Variants in C14orf180 observed in about 807,000 individuals in gnomAD.
C14orf180 encodes chromosome 14 open reading frame 180.
C14orf180 carries 13 observed loss-of-function variants against 13.9 expected under a neutral mutation model. The ratio of observed to expected loss-of-function variants is 0.94; its 90% confidence interval spans 0.61 to 1.49. C14orf180 has a LOEUF of 1.49. Among genes scored for constraint, C14orf180 ranks in the 40% most tolerant of loss-of-function variants. The pLI, the probability that C14orf180 is intolerant of heterozygous loss-of-function variation, is 0.00. For missense variants in C14orf180, 238 were observed against 232.0 expected (o/e 1.03, Z -0.17); for synonymous variants, 113 against 106.3 (o/e 1.06, Z -0.39).
chr14:104,581,591 G>A (rs992174992), intron 1 of C14orf180: 2 of 152,652 alleles, frequency 1.3e-5, no homozygotes, highest in African/African-American at 2.4e-5. Context: ...TCAGGCCTGA[G>A]CCACCCCGGA....
chr14:104,587,247 G>A (rs1596290003), intron 2 of C14orf180, among the ~76,000 whole-genome samples: 1 of 152,132 alleles, frequency 6.6e-6, no homozygotes, highest in African/African-American at 2.4e-5. Context: ...GCCCAGGTAG[G>A]CAAATGTGTA....
chr14:104,588,601 GGCGGCTCCCT>G lies in C14orf180; in HGVS notation c.304_313del (p.Gly102SerfsTer101). 1 of 1,471,848 alleles carries G rather than the reference GGCGGCTCCCT, an allele frequency of 6.8e-7. No individual in the cohort carries two copies. Among genetic ancestry groups the G allele is most frequent in the Non-Finnish European group, 9.0e-7 (1 of 1,114,308 alleles). The allele number at this position is 1,471,848 out of a possible 1,614,324, so 91.2% of individuals were successfully genotyped here. ...AGTGCCCGGCCGGCCCAGGCCACAC[GGCGGCTCCCT>G]GCTCCTGCAGCTGTGTGTGTGCGTC... On this transcript the variant is annotated frameshift_variant, in exon 5 of 5. Transcript: ENST00000557649. LOFTEE classifies it low-confidence loss of function (END_TRUNC).
At chr14:104,582,751 G>A (rs1470039478) in intron 1 of C14orf180, among the ~76,000 whole-genome samples, 1 of 152,218 alleles carries the variant, frequency 6.6e-6, no homozygotes, top group African/African-American at 2.4e-5. Context: ...TGGGGGTAGA[G>A]TCCCCTCGGG....
At chr14:104,583,875 C>T (rs544118490) in intron 1 of C14orf180, among the ~76,000 whole-genome samples, 7 of 152,210 alleles carry the variant, frequency 4.6e-5, no homozygotes, top group East Asian at 1.9e-4. Context: ...TTCACATGCA[C>T]GCACAGAAAT....
chr14:104,588,341 C>A (rs1326668487), intron 4 of C14orf180, 32 bp downstream of exon 4: 1 of 1,609,518 alleles, frequency 6.2e-7, no homozygotes, highest in South Asian at 1.1e-5. Flanking sequence ...CTGTGCCCCA[C>A]TGCCCCCTCC....
rs868014005 is a variant in C14orf180 at position 104,588,613 on chromosome 14, C to T, written c.313C>T (p.Leu105Phe). 4 of 1,485,192 alleles carry T rather than the reference C, an allele frequency of 2.7e-6. No homozygotes were observed. Among genetic ancestry groups the T allele is most frequent in the Middle Eastern group, 3.8e-4 (2 of 5,254 alleles). The allele number at this position is 1,485,192 out of a possible 1,614,324, so 92.0% of individuals were successfully genotyped here. ...GCCCAGGCCACACGGCGGCTCCCTG[C>T]TCCTGCAGCTGTGTGTGTGCGTCCT... ...GRPRPHGGSL[L>F]LQLCVCVLLV... The change falls in exon 5 of 5, where the codon CTC becomes TTC. Residue 105 changes from leucine to phenylalanine, a missense_variant. By Grantham distance (22) the Leu-to-Phe change is conservative. Coordinates refer to ENST00000557649, the MANE Select transcript of C14orf180 (RefSeq NM_001008404.3).
intron 3 of C14orf180, among the ~76,000 whole-genome samples, 167 bp downstream of exon 3, chr14:104,588,045 A>G (rs1886695830): frequency 6.6e-6 from 1 of 152,210 alleles, no homozygotes; most frequent in African/African-American, 2.4e-5. Flanking sequence ...CCCTGGGGTC[A>G]TCTGGACACA....
chr14:104,588,154 G>A, intron 3 of C14orf180, 120 bp from the exon 4 acceptor site: 2 of 1,262,980 alleles, frequency 1.6e-6, no homozygotes, highest in Non-Finnish European at 2.3e-6. Flanking sequence ...GGCTGGGCCT[G>A]GGTCTCTCAC....
At chr14:104,582,554 G>A (rs1490097897) in intron 1 of C14orf180, among the ~76,000 whole-genome samples, 1 of 152,162 alleles carries the variant, frequency 6.6e-6, no homozygotes, top group Admixed American at 6.5e-5. Flanking sequence ...ACAACTGGGA[G>A]CTCCGGGCCC....
rs1886627634 is a variant in C14orf180 at position 104,586,503 on chromosome 14, G to A, written c.73G>A (p.Glu25Lys). Residue 25 changes from glutamate to lysine, a missense_variant, in exon 2 of 5, where the codon GAG becomes AAG. By Grantham distance (56) the Glu-to-Lys change is moderately conservative. Transcript: ENST00000557649. Reference sequence around the variant, plus strand: ...ACGACGTCAGACCAGAAAGAATGAGGAGGCCGCGTGGGGCCCGCGGGTGTG... The same window carrying A: ...ACGACGTCAGACCAGAAAGAATGAGAAGGCCGCGTGGGGCCCGCGGGTGTG... The part of the protein sequence containing the change: ...ETRRQTRKNE[E>K]AAWGPRVCRA... 1 of 1,548,506 alleles carries A rather than the reference G, an allele frequency of 6.5e-7. No individual in the cohort carries two copies. Among genetic ancestry groups the A allele is most frequent in the South Asian group, 1.2e-5 (1 of 83,344 alleles).
intron 2 of C14orf180, among the ~76,000 whole-genome samples, chr14:104,587,419 CCT>C (rs771607592): frequency 2.0e-4 from 31 of 152,016 alleles, no homozygotes; most frequent in Admixed American, 3.9e-4. Flanking sequence ...GCCCCCTCCC[CCT>C]GTCCACATGT....
At chr14:104,581,927 G>A (rs545996692) in intron 1 of C14orf180, among the ~76,000 whole-genome samples, 2 of 152,246 alleles carry the variant, frequency 1.3e-5, no homozygotes, top group East Asian at 1.9e-4. Flanking sequence ...GGTGAGCCGG[G>A]AGTGTGGGGC....
At chr14:104,586,005 C>T (rs1036041733) in intron 1 of C14orf180, among the ~76,000 whole-genome samples, 2 of 152,208 alleles carry the variant, frequency 1.3e-5, no homozygotes, top group African/African-American at 4.8e-5. Context: ...TTCCCGCTAC[C>T]GAAAGGAGAC....
At chr14:104,587,301 A>G (rs1395972662) in intron 2 of C14orf180, among the ~76,000 whole-genome samples, 1 of 151,960 alleles carries the variant, frequency 6.6e-6, no homozygotes, top group African/African-American at 2.4e-5. Context: ...GCCCCAGGGA[A>G]AAGGAGGCCG....
At chr14:104,585,324 G>A (rs559960753) in intron 1 of C14orf180, among the ~76,000 whole-genome samples, 11 of 152,324 alleles carry the variant, frequency 7.2e-5, no homozygotes, top group African/African-American at 2.4e-4. Flanking sequence ...TCAGTTTCCC[G>A]ACCTGAAGCA....
chr14:104,582,901 G>C (rs957950559), intron 1 of C14orf180, among the ~76,000 whole-genome samples: 1 of 151,864 alleles, frequency 6.6e-6, no homozygotes, highest in Admixed American at 6.5e-5. Context: ...AGGCCTCCCC[G>C]CCCCCACCTG....
rs1344296767 is a variant in C14orf180 at position 104,588,957 on chromosome 14, G to A, written c.*174G>A. On this transcript the variant is annotated 3_prime_UTR_variant, in exon 5 of 5. Transcript: ENST00000557649. Reference sequence around the variant, plus strand: ...CCCCGTGGCGTGAGATCGGACATGGGGGGCACAGCAGGCGGCCCCGCCACA... The same window carrying A: ...CCCCGTGGCGTGAGATCGGACATGGAGGGCACAGCAGGCGGCCCCGCCACA... 2 of 1,367,796 alleles carry A rather than the reference G, an allele frequency of 1.5e-6. No homozygotes were observed. Among genetic ancestry groups the A allele is most frequent in the Non-Finnish European group, 1.9e-6 (2 of 1,038,258 alleles). 84.7% of individuals were successfully genotyped at this position (1,367,796 alleles called of 1,614,324 possible).
At position 104,588,575 on chromosome 14, in the gene C14orf180, C is replaced by T. The variant is rs1031775583; in HGVS notation, c.278-3C>T. Reference sequence around the variant, plus strand: ...GCTGACCCTGCCTGCCCTCTGGCCGCAGTGCCCGGCCGGCCCAGGCCACAC... The same window carrying T: ...GCTGACCCTGCCTGCCCTCTGGCCGTAGTGCCCGGCCGGCCCAGGCCACAC... On this transcript the variant is annotated splice_polypyrimidine_tract_variant and splice_region_variant and intron_variant, in intron 4 of 4. Transcript: ENST00000557649. 7.6e-6 allele frequency: 11 copies of T among 1,443,154 alleles called. No homozygotes were observed. The highest frequency in any genetic ancestry group is 7.5e-5 in the East Asian group (3 of 39,968). 89.4% of individuals were successfully genotyped at this position (1,443,154 alleles called of 1,614,324 possible).
rs553984960 is a variant in C14orf180, at chr14:104,587,712, C to A, written c.112-37C>A. On this transcript the variant is annotated intron_variant, in intron 2 of 4. Coordinates refer to ENST00000557649, the MANE Select transcript of C14orf180 (RefSeq NM_001008404.3). ...GACCTGGGTACCAGCGGCCTCCCGC[C>A]GGGGACTCACCAGTCTGCTTCCCGC... 1.9e-6 allele frequency: 3 copies of A among 1,607,092 alleles called. No homozygotes were observed. The African/African-American group carries it at 4.0e-5, about 22-fold the overall frequency.
Sources: gnomAD v4.1 joint callset for allele counts (sites outside exome capture counted in the v4.1 genomes callset) on GRCh38, gnomAD v4.1.1 for gene constraint, MANE v1.5 for transcripts, NCBI Gene and HGNC (gene_info 2026-07-23, HGNC 2026-07-21) for gene names.